The following SULT1C4 variants were observed in gnomAD, a reference collection of about 807,000 sequenced individuals.
SULT1C4 encodes the protein sulfotransferase 1C4.
In SULT1C4, 32 loss-of-function variants were observed where a neutral mutation model predicts 34.8. The ratio of observed to expected loss-of-function variants is 0.92; its 90% CI spans 0.69 to 1.23. SULT1C4 has a LOEUF of 1.23. Among genes scored for constraint, SULT1C4 ranks in the 50% most tolerant of loss-of-function variants. The probability of loss-of-function intolerance (pLI) is 0.00; values close to 1 mark genes in which losing one functional copy is unlikely to be tolerated. For missense variants in SULT1C4, 375 were observed against 365.9 expected (o/e 1.02, Z -0.20); for synonymous variants, 111 against 120.5 (o/e 0.92, Z 0.51).
intron 1 of SULT1C4, among the ~76,000 whole-genome samples, chr2:108,378,818 C>T (rs1222835677): frequency 6.6e-6 from 1 of 151,364 alleles, no homozygotes; most frequent in East Asian, 1.9e-4. Context: ...CAATCTAGGC[C>T]CTTATTGTAG....
intron 5 of SULT1C4, 30 bp from the exon 6 acceptor site, chr2:108,386,162 T>G: frequency 7.1e-7 from 1 of 1,408,882 alleles, no homozygotes; most frequent in South Asian, 1.9e-5. Context: ...TTCTATTAAA[T>G]CATTACTTTT....
intron 3 of SULT1C4, 133 bp from the exon 4 acceptor site, chr2:108,382,960 C>T: frequency 3.1e-6 from 2 of 636,970 alleles, no homozygotes; most frequent in Non-Finnish European, 4.5e-6. Flanking sequence ...GACAAGAATG[C>T]AGCCTCAGAA....
chr2:108,381,883 A>G lies in SULT1C4; in HGVS notation c.291A>G (p.Gly97=), dbSNP rs1678410133. The change falls in exon 2 of 7, where the codon GGA becomes GGG. Residue 97 remains glycine, a synonymous_variant. Transcript: ENST00000272452. ...PFLEMKIPSL[G]SGLEQAHAMP... ...TCGAAATGAAAATCCCATCCTTAGGATCTGGTGAGTATAAATAGCCACACT... is the reference window on the plus strand; with the variant it reads ...TCGAAATGAAAATCCCATCCTTAGGGTCTGGTGAGTATAAATAGCCACACT... 6.7e-7 allele frequency: 1 copy of G among 1,485,392 alleles called. No individual in the cohort carries two copies. The highest frequency in any genetic ancestry group is 8.9e-7 in the Non-Finnish European group (1 of 1,122,286). 92.0% of individuals were successfully genotyped at this position (1,485,392 alleles called of 1,614,324 possible). A position where few individuals can be genotyped will look rare whatever the true frequency, so the allele number is the denominator to read the frequency against.
chr2:108,378,533 G>A, intron 1 of SULT1C4, 27 bp downstream of exon 1: 3 of 1,607,038 alleles, frequency 1.9e-6, no homozygotes, highest in South Asian at 1.1e-5. Context: ...GCAGGGGAAG[G>A]GGAAGAGGAG....
At position 108,382,566 on chromosome 2, in the gene SULT1C4, A is replaced by AATAT. The variant is rs113032267; in HGVS notation, c.393+96_393+99dup. 6.8e-5 allele frequency: 62 copies of AATAT among 916,032 alleles called. No individual in the cohort carries two copies. The African/African-American group carries it at 9.2e-4, about 14-fold the overall frequency. 56.7% of individuals were successfully genotyped at this position (916,032 alleles called of 1,614,324 possible). On this transcript the variant is annotated intron_variant, in intron 3 of 6. Transcript: ENST00000272452. ...TCCTCTTAAAACACTTCACTTGTTA[A>AATAT]ATATATATATATATACCTCTTCACA...
At chr2:108,378,759 G>T (rs1678312107) in intron 1 of SULT1C4, among the ~76,000 whole-genome samples, 1 of 147,914 alleles carries the variant, frequency 6.8e-6, no homozygotes. Flanking sequence ...CCAGGAGAGA[G>T]TGAAAACAGT....
At position 108,388,398 on chromosome 2, in the gene SULT1C4, C is replaced by A. The variant is rs1207344526; in HGVS notation, c.*966C>A. Among the ~76,000 whole-genome samples, 1 of 152,152 alleles carries A rather than the reference C, an allele frequency of 6.6e-6. No individual in the cohort carries two copies. The highest frequency in any genetic ancestry group is 1.5e-5 in the Non-Finnish European group (1 of 68,026). On this transcript the variant is annotated 3_prime_UTR_variant, in exon 7 of 7. Coordinates refer to ENST00000272452, the MANE Select transcript of SULT1C4 (RefSeq NM_006588.4). ...TGTCAGAAAATCTGTCAGTTTTAAT[C>A]TACGAAATCTCTTAAAATATTTCCG...
At chr2:108,380,753 G>A (rs992040467) in intron 1 of SULT1C4, among the ~76,000 whole-genome samples, 3 of 152,196 alleles carry the variant, frequency 2.0e-5, no homozygotes, top group Non-Finnish European at 2.9e-5. Context: ...GCCATGGAAC[G>A]TGGAATGGTC....
In SULT1C4 at chr2:108,388,071, G is replaced by C. The variant is rs1186098463; in HGVS notation, c.*639G>C. 6.6e-6 allele frequency: 1 copy of C among 152,266 alleles called. No individual in the cohort carries two copies. Among genetic ancestry groups the C allele is most frequent in the Non-Finnish European group, 1.5e-5 (1 of 68,140 alleles). The allele number at this position is 152,266 out of a possible 1,614,324, so 9.4% of individuals were successfully genotyped here. The stretch of plus-strand genomic sequence containing the variant: ...CCGCTTCGGCCTCCCAAAGTGCTGA[G>C]ATTACAGGCGTGAGCCACTGCGCCC... On this transcript the variant is annotated 3_prime_UTR_variant, in exon 7 of 7. Coordinates refer to ENST00000272452, the MANE Select transcript of SULT1C4 (RefSeq NM_006588.4).
rs375009924 is a variant in SULT1C4 at position 108,387,399 on chromosome 2, T to C, written c.876T>C (p.Thr292=). ...RFDEDYKKKM[T]DTRLTFHFQF ...ATGAAGATTACAAGAAGAAAATGAC[T>C]GATACCAGACTAACTTTCCACTTCC... The change falls in exon 7 of 7, where the codon ACT becomes ACC. Residue 292 remains threonine, a synonymous_variant. Transcript: ENST00000272452. The C allele has an allele frequency of 1.9e-6, 3 of 1,613,588 alleles. No individual in the cohort carries two copies. Among genetic ancestry groups the C allele is most frequent in the South Asian group, 2.2e-5 (2 of 90,994 alleles).
Position 108,381,900 on chromosome 2 carries a change from A to G in SULT1C4, c.295+13A>G, listed in dbSNP as rs1391586258. On this transcript the variant is annotated intron_variant, in intron 2 of 6. Coordinates refer to ENST00000272452, the MANE Select transcript of SULT1C4 (RefSeq NM_006588.4). ...TCCTTAGGATCTGGTGAGTATAAAT[A>G]GCCACACTTCACTACAGTCCTAAAA... 9.5e-6 allele frequency: 14 copies of G among 1,480,894 alleles called. No individual in the cohort carries two copies. The highest frequency in any genetic ancestry group is 1.3e-5 in the Non-Finnish European group (14 of 1,119,368). 91.7% of individuals were successfully genotyped at this position (1,480,894 alleles called of 1,614,324 possible).
chr2:108,383,234 C>T lies in SULT1C4; in HGVS notation c.520+15C>T, dbSNP rs1553427785. 6.2e-7 allele frequency: 1 copy of T among 1,606,308 alleles called. No homozygotes were observed. The highest frequency in any genetic ancestry group is 8.5e-7 in the Non-Finnish European group (1 of 1,178,146). ...GGCTGGGAAAGGTGAGAGAATTTAG[C>T]TTTGTTTCCCTTCGTTTCTCAAAAT... On this transcript the variant is annotated intron_variant, in intron 4 of 6. Transcript: ENST00000272452.
intron 4 of SULT1C4, 39 bp from the exon 5 acceptor site, chr2:108,383,377 T>A (rs1391346594): frequency 1.2e-6 from 2 of 1,603,916 alleles, no homozygotes; most frequent in Admixed American, 1.7e-5. Flanking sequence ...TAATAGGACC[T>A]CTGTGACTCA....
At chr2:108,385,504 T>C (rs1316338506) in intron 5 of SULT1C4, among the ~76,000 whole-genome samples, 1 of 152,212 alleles carries the variant, frequency 6.6e-6, no homozygotes, top group East Asian at 1.9e-4. Flanking sequence ...TACAAGCTTT[T>C]AAAGCAGAAG....
intron 4 of SULT1C4, 45 bp downstream of exon 4, chr2:108,383,264 A>C: frequency 6.2e-7 from 1 of 1,606,298 alleles, no homozygotes; most frequent in South Asian, 1.1e-5. Flanking sequence ...CAAAATCTCC[A>C]AACACCCTAG....
intron 3 of SULT1C4, chr2:108,382,875 C>CT: frequency 2.7e-6 from 1 of 376,800 alleles, no homozygotes; most frequent in Non-Finnish European, 4.3e-6. Flanking sequence ...TGCACTCCAG[C>CT]CTGGGTGACA....
Position 108,382,478 on chromosome 2 carries a change from G to C in SULT1C4, c.389G>C (p.Cys130Ser). ...CCACCATCCTTGCTAGAGAAAAACT[G>C]TAAGGTAAAAAAGCAAAAGGAATTC... The part of the protein sequence containing the change: ...LLPPSLLEKN[C>S]KIIYVARNPK... The change falls in exon 3 of 7, where the codon TGT becomes TCT. Residue 130 changes from cysteine to serine, a missense_variant. Coordinates refer to ENST00000272452, the MANE Select transcript of SULT1C4 (RefSeq NM_006588.4). 6.2e-7 allele frequency: 1 copy of C among 1,613,854 alleles called. No homozygotes were observed. Among genetic ancestry groups the C allele is most frequent in the Non-Finnish European group, 8.5e-7 (1 of 1,179,864 alleles).
intron 6 of SULT1C4, among the ~76,000 whole-genome samples, chr2:108,386,863 C>G (rs966569700): frequency 6.6e-6 from 1 of 152,056 alleles, no homozygotes; most frequent in Non-Finnish European, 1.5e-5. Context: ...TTAAGAAAAA[C>G]GAAACTGGGA....
intron 3 of SULT1C4, 153 bp from the exon 4 acceptor site, chr2:108,382,940 T>C: frequency 5.0e-6 from 1 of 198,588 alleles, no homozygotes. Context: ...AAGTCTCCCA[T>C]AACCAGGATG....
Sources: allele counts gnomAD v4.1 joint callset (sites outside exome capture counted in the v4.1 genomes callset), GRCh38; gene constraint gnomAD v4.1.1; transcripts MANE v1.5; gene names NCBI Gene and HGNC (gene_info 2026-07-23, HGNC 2026-07-21).